Variants in PRKAA2 observed in about 807,000 individuals in gnomAD.
PRKAA2 encodes the protein protein kinase AMP-activated catalytic subunit alpha 2.
PRKAA2 carries 40 observed loss-of-function variants against 56.3 expected under a neutral mutation model. The ratio of observed to expected loss-of-function variants is 0.71; its 90% CI spans 0.55 to 0.92. The LOEUF (loss-of-function observed/expected upper bound fraction) is 0.92. Among genes scored for constraint, PRKAA2 ranks in the 40% least tolerant of loss-of-function variants. The pLI, the probability that PRKAA2 is intolerant of heterozygous loss-of-function variation, is 0.00. For missense variants in PRKAA2, 542 were observed against 686.9 expected (o/e 0.79, Z 2.36); for synonymous variants, 214 against 234.2 (o/e 0.91, Z 0.79).
At chr1:56,705,723 A>G (rs142896482) in intron 7 of PRKAA2, among the ~76,000 whole-genome samples, 1,582 of 152,238 alleles carry the variant, frequency 0.01, 13 homozygotes, top group Non-Finnish European at 0.016. Context: ...CTACTCCATA[A>G]TCATCCATGA....
Position 56,691,437 on chromosome 1 carries a change from G to C in PRKAA2, c.280G>C (p.Glu94Gln), listed in dbSNP as rs1644227819. The change falls in exon 3 of 9, where the codon GAA becomes CAA. Residue 94 changes from glutamate (E) to glutamine (Q), a missense_variant. Around this residue, in one of 5 missense-constraint regions of PRKAA2, gnomAD observed 121 missense variants for 210.0 expected, o/e 0.58. Transcript: ENST00000371244. ...STPTDFFMVM[E>Q]YVSGGELFDY... is the part of the protein sequence containing the mutation. ...TCCAACAGATTTTTTTATGGTAATGGAATATGTGTCTGGAGGTGAATTATT... is the reference window on the plus strand; with the variant it reads ...TCCAACAGATTTTTTTATGGTAATGCAATATGTGTCTGGAGGTGAATTATT... The C allele has an allele frequency of 1.2e-6, 2 of 1,612,610 alleles. No individual in the cohort carries two copies. The highest frequency in any genetic ancestry group is 3.3e-5 in the Admixed American group (2 of 59,968).
chr1:56,684,571 G>A (rs947660124), intron 2 of PRKAA2, among the ~76,000 whole-genome samples: 4 of 152,204 alleles, frequency 2.6e-5, no homozygotes, highest in Admixed American at 6.5e-5. Context: ...GAAAATTAGG[G>A]GAATCGGGTA....
rs375001519 is a variant in PRKAA2 at position 56,693,432 on chromosome 1, A to G, written c.476-333A>G. Among the ~76,000 whole-genome samples the G allele has an allele frequency of 1.5e-4, 23 of 152,266 alleles. No individual in the cohort carries two copies. In the East Asian group the frequency reaches 2.7e-3, roughly 18 times the overall value. ...TAGTAGTCTCTATTTTATTCTTTCAACTATGGAAATAGGTAAATAATATTT... is the reference window on the plus strand; with the variant it reads ...TAGTAGTCTCTATTTTATTCTTTCAGCTATGGAAATAGGTAAATAATATTT... On this transcript the variant is annotated intron_variant, in intron 4 of 8. Transcript: ENST00000371244.
intron 1 of PRKAA2, among the ~76,000 whole-genome samples, chr1:56,671,968 G>A (rs1331343010): frequency 6.6e-6 from 1 of 152,150 alleles, no homozygotes; most frequent in Non-Finnish European, 1.5e-5. Context: ...TTCTCAAAAT[G>A]AGTTAAAATA....
chr1:56,699,723 G>A (rs550615286), intron 6 of PRKAA2, among the ~76,000 whole-genome samples: 57 of 151,980 alleles, frequency 3.8e-4, no homozygotes, highest in African/African-American at 9.7e-4. Context: ...TTTATCATCC[G>A]TGAAAGAAAC....
rs1644352999 is a variant in PRKAA2 at position 56,709,120 on chromosome 1, A to G, written c.*1407A>G. ...TATTTTTATGTTGTAATTAACACTT[A>G]TTTACCTGGATTACCCTAAAAAAAT... On this transcript the variant is annotated 3_prime_UTR_variant, in exon 9 of 9. Transcript: ENST00000371244. The G allele has an allele frequency of 6.6e-6, 1 of 152,108 alleles. No homozygotes were observed. Among genetic ancestry groups the G allele is most frequent in the Non-Finnish European group, 1.5e-5 (1 of 67,988 alleles). 9.4% of individuals were successfully genotyped at this position (152,108 alleles called of 1,614,324 possible).
intron 1 of PRKAA2, among the ~76,000 whole-genome samples, chr1:56,662,042 T>C (rs903539367): frequency 1.1e-4 from 16 of 152,174 alleles, no homozygotes; most frequent in Non-Finnish European, 1.9e-4. Flanking sequence ...GGGATAATTA[T>C]CATATTACTA....
chr1:56,680,603 G>A lies in PRKAA2; in HGVS notation c.236+6081G>A, dbSNP rs1159143204. On this transcript the variant is annotated intron_variant, in intron 2 of 8. Transcript: ENST00000371244. ...AATTCCCACCTATGAGTGAGAACAT[G>A]CGGTGTTTGGTTTTCTGTCCTTGTG... Among the ~76,000 whole-genome samples, 5 of 152,192 alleles carry A rather than the reference G, an allele frequency of 3.3e-5. No individual in the cohort carries two copies. The East Asian group carries it at 9.7e-4, about 29-fold the overall frequency.
intron 1 of PRKAA2, among the ~76,000 whole-genome samples, chr1:56,655,280 A>ATATATCTATATTTTTTTTTTTTT: frequency 1.1e-5 from 1 of 93,680 alleles, no homozygotes; most frequent in African/African-American, 4.5e-5. Flanking sequence ...ATATATATAT[A>ATATATCTATATTTTTTTTTTTTT]TTTTTTTTTT....
At chr1:56,649,077 T>A (rs1646666845) in intron 1 of PRKAA2, among the ~76,000 whole-genome samples, 1 of 152,320 alleles carries the variant, frequency 6.6e-6, no homozygotes, top group African/African-American at 2.4e-5. Flanking sequence ...TATTAGTTTT[T>A]AAAATTATTT....
chr1:56,658,604 T>TTTTG (rs534886858), intron 1 of PRKAA2, among the ~76,000 whole-genome samples: 2 of 142,018 alleles, frequency 1.4e-5, no homozygotes, highest in Non-Finnish European at 3.1e-5. Context: ...CCCCGCCATT[T>TTTTG]TTTGTTTGTT....
intron 1 of PRKAA2, among the ~76,000 whole-genome samples, chr1:56,666,279 C>T (rs896715573): frequency 6.6e-6 from 1 of 152,140 alleles, no homozygotes. Flanking sequence ...AGACCCTGTT[C>T]TGAAGGAGCT....
At chr1:56,669,581 A>G (rs189662881) in intron 1 of PRKAA2, among the ~76,000 whole-genome samples, 2 of 152,144 alleles carry the variant, frequency 1.3e-5, no homozygotes, top group East Asian at 1.9e-4. Context: ...CCTCTCTGCA[A>G]ATTTTTACCC....
intron 1 of PRKAA2, among the ~76,000 whole-genome samples, chr1:56,652,302 C>T (rs541963618): frequency 1.2e-4 from 19 of 152,080 alleles, no homozygotes; most frequent in African/African-American, 3.1e-4. Context: ...TGAGCTATTG[C>T]GCCCGGCCTC....
At chr1:56,680,341 G>GTT (rs772401434) in intron 2 of PRKAA2, among the ~76,000 whole-genome samples, 1 of 149,128 alleles carries the variant, frequency 6.7e-6, no homozygotes, top group East Asian at 2.0e-4. Flanking sequence ...AGGAATTATG[G>GTT]TTTTTTTTTT....
rs1425156443 is a variant in PRKAA2 at position 56,649,322 on chromosome 1, ATTG to A, written c.94+3846_94+3848del. On this transcript the variant is annotated intron_variant, in intron 1 of 8. Transcript: ENST00000371244. ...TTTGTTGAATGCAGGTGCATTTTTA[ATTG>A]TTGTAGATTTTAGACATTGCAAAAT... 3.3e-5 allele frequency among the ~76,000 whole-genome samples: 5 copies of A among 152,312 alleles called. No individual in the cohort carries two copies. In the East Asian group the frequency reaches 5.8e-4, roughly 18 times the overall value.
intron 2 of PRKAA2, among the ~76,000 whole-genome samples, chr1:56,682,149 A>G (rs945552360): frequency 1.3e-5 from 2 of 152,046 alleles, no homozygotes; most frequent in Non-Finnish European, 2.9e-5. Flanking sequence ...AGCACCTACT[A>G]TGGGTTGGGT....
intron 8 of PRKAA2, among the ~76,000 whole-genome samples, chr1:56,707,055 T>G (rs1183638826): frequency 6.6e-6 from 1 of 152,204 alleles, no homozygotes; most frequent in East Asian, 1.9e-4. Flanking sequence ...AATGCAGTTT[T>G]AACAAGATTT....
At chr1:56,658,751 T>C (rs1204152212) in intron 1 of PRKAA2, among the ~76,000 whole-genome samples, 1 of 151,436 alleles carries the variant, frequency 6.6e-6, no homozygotes, top group Non-Finnish European at 1.5e-5. Flanking sequence ...TTTTTTTTTC[T>C]TTTTTGGAGG....
Sources: allele counts gnomAD v4.1 joint callset (sites outside exome capture counted in the v4.1 genomes callset), GRCh38; gene constraint gnomAD v4.1.1; regional missense constraint gnomAD v4.1.1; transcripts MANE v1.5; gene names NCBI Gene and HGNC (gene_info 2026-07-23, HGNC 2026-07-21).